Variants in ADGRL3 observed in about 807,000 individuals in gnomAD.
ADGRL3 encodes the protein adhesion G protein-coupled receptor L3.
ADGRL3 carries 62 observed loss-of-function variants against 153.5 expected under a neutral mutation model. That is an observed-to-expected ratio of 0.40 (90% CI 0.33 to 0.50). ADGRL3 has a LOEUF of 0.50. Ranked by LOEUF, ADGRL3 falls within the 20% of genes least tolerant of loss-of-function variation. The pLI, the probability that ADGRL3 is intolerant of heterozygous loss-of-function variation, is 0.47. For synonymous variants in ADGRL3, 710 were observed against 672.5 expected (o/e 1.06, Z -0.86); for missense variants, 1,641 against 1,859.4 (o/e 0.88, Z 2.16).
intron 3 of ADGRL3, among the ~76,000 whole-genome samples, chr4:61,508,748 A>T (rs1414754937): frequency 1.3e-5 from 2 of 151,984 alleles, no homozygotes; most frequent in African/African-American, 2.4e-5. Context: ...CCTAGTTCCC[A>T]GTGTTTATCG....
At chr4:61,559,710 G>A (rs2098785945) in intron 4 of ADGRL3, among the ~76,000 whole-genome samples, 1 of 152,054 alleles carries the variant, frequency 6.6e-6, no homozygotes. Flanking sequence ...AAAAGCATGA[G>A]CGAAATATTT....
At chr4:61,573,559 G>GT (rs1259775159) in intron 4 of ADGRL3, among the ~76,000 whole-genome samples, 4 of 151,660 alleles carry the variant, frequency 2.6e-5, no homozygotes, top group African/African-American at 9.7e-5. Context: ...TGATGTAACA[G>GT]TTTTTTTCTA....
At chr4:61,265,912 A>C (rs1273398991) in intron 1 of ADGRL3, among the ~76,000 whole-genome samples, 1 of 151,876 alleles carries the variant, frequency 6.6e-6, no homozygotes, top group East Asian at 1.9e-4. Flanking sequence ...AACCACATAC[A>C]TCAATATACA....
Position 61,795,527 on chromosome 4 carries a change from C to G in ADGRL3, c.1400-18282C>G, listed in dbSNP as rs1011046887. On this transcript the variant is annotated intron_variant, in intron 8 of 26. Coordinates refer to ENST00000683033, the MANE Select transcript of ADGRL3 (RefSeq NM_001387552.1). ...TGTGATATTGAGCAAATCATTTGAA[C>G]TCATTTCCATTTAACTATGTCTAGA... Among the ~76,000 whole-genome samples the G allele has an allele frequency of 3.9e-5, 6 of 152,274 alleles. No individual in the cohort carries two copies. In the South Asian group the frequency reaches 1.0e-3, roughly 26 times the overall value.
chr4:61,682,894 G>A (rs2095367235), intron 6 of ADGRL3, among the ~76,000 whole-genome samples: 1 of 151,844 alleles, frequency 6.6e-6, no homozygotes, highest in Non-Finnish European at 1.5e-5. Flanking sequence ...AAATATTAGG[G>A]GTCAAAAACC....
chr4:61,932,353 C>A (rs1264230769), intron 13 of ADGRL3, among the ~76,000 whole-genome samples: 4 of 152,010 alleles, frequency 2.6e-5, no homozygotes, highest in Non-Finnish European at 5.9e-5. Context: ...GAAGTAACTT[C>A]CTTCTGTTCC....
chr4:61,389,499 C>A (rs1370103730), intron 2 of ADGRL3, among the ~76,000 whole-genome samples: 1 of 152,038 alleles, frequency 6.6e-6, no homozygotes, highest in Non-Finnish European at 1.5e-5. Flanking sequence ...ATATCCAGAG[C>A]CAGATGTTAA....
intron 2 of ADGRL3, among the ~76,000 whole-genome samples, chr4:61,486,452 G>C (rs1274116251): frequency 6.6e-6 from 1 of 152,066 alleles, no homozygotes; most frequent in Non-Finnish European, 1.5e-5. Flanking sequence ...GTTGCCATAG[G>C]TGTAAGGCTT....
intron 8 of ADGRL3, among the ~76,000 whole-genome samples, chr4:61,810,207 G>A (rs922798296): frequency 7.9e-5 from 12 of 152,084 alleles, no homozygotes; most frequent in South Asian, 2.1e-4. Context: ...CACGTACCTT[G>A]AAAATAATGC....
chr4:61,472,407 GA>G (rs954079271), intron 2 of ADGRL3, among the ~76,000 whole-genome samples: 1 of 152,092 alleles, frequency 6.6e-6, no homozygotes, highest in Non-Finnish European at 1.5e-5. Context: ...AGTCTCATCT[GA>G]AGGCACAATT....
intron 3 of ADGRL3, among the ~76,000 whole-genome samples, chr4:61,511,834 C>T (rs2098464996): frequency 6.6e-6 from 1 of 152,160 alleles, no homozygotes; most frequent in Non-Finnish European, 1.5e-5. Flanking sequence ...GACTTTCATG[C>T]TGCAATTTCT....
intron 1 of ADGRL3, among the ~76,000 whole-genome samples, chr4:61,208,464 A>G (rs1459280452): frequency 6.6e-6 from 1 of 152,134 alleles, no homozygotes; most frequent in East Asian, 1.9e-4. Flanking sequence ...CATCATTATT[A>G]TTGGGTCTCA....
At chr4:61,288,509 A>G (rs1175723631) in intron 1 of ADGRL3, among the ~76,000 whole-genome samples, 1 of 151,980 alleles carries the variant, frequency 6.6e-6, no homozygotes, top group African/African-American at 2.4e-5. Flanking sequence ...ACACTCAAAG[A>G]TAGAATATAG....
intron 1 of ADGRL3, among the ~76,000 whole-genome samples, chr4:61,260,669 G>A (rs1448966852): frequency 1.3e-5 from 2 of 152,178 alleles, no homozygotes; most frequent in Non-Finnish European, 1.5e-5. Context: ...CTTGAATTAA[G>A]AGACTGGTTT....
intron 2 of ADGRL3, among the ~76,000 whole-genome samples, chr4:61,395,745 GATA>G (rs1385101331): frequency 6.6e-6 from 1 of 151,846 alleles, no homozygotes; most frequent in African/African-American, 2.4e-5. Context: ...ACCAGAAAAT[GATA>G]ATATATCAGA....
rs935952349 is a variant in ADGRL3, at chr4:61,461,106, C to T, written c.-173-36015C>T. Reference sequence around the variant, plus strand: ...AAAACAAAACAAAGCCATCACATCTCGTGAGACTTATTCATTACCACGAGA... The same window carrying T: ...AAAACAAAACAAAGCCATCACATCTTGTGAGACTTATTCATTACCACGAGA... On this transcript the variant is annotated intron_variant, in intron 2 of 26. Transcript: ENST00000683033. 4.6e-5 allele frequency among the ~76,000 whole-genome samples: 7 copies of T among 151,962 alleles called. 1 individual carries two copies. In the South Asian group the frequency reaches 6.2e-4, roughly 14 times the overall value.
chr4:61,851,925 GT>G (rs1046002514), intron 9 of ADGRL3, among the ~76,000 whole-genome samples: 2 of 152,130 alleles, frequency 1.3e-5, no homozygotes, highest in African/African-American at 2.4e-5. Flanking sequence ...CACTGGCATA[GT>G]TTTTAGTTTG....
chr4:61,709,725 A>G (rs1326710669), intron 6 of ADGRL3, among the ~76,000 whole-genome samples: 1 of 152,186 alleles, frequency 6.6e-6, no homozygotes, highest in East Asian at 1.9e-4. Flanking sequence ...CATCCAATAC[A>G]ACATTTATTG....
intron 9 of ADGRL3, among the ~76,000 whole-genome samples, chr4:61,892,140 G>T (rs2062196955): frequency 6.7e-6 from 1 of 149,684 alleles, no homozygotes; most frequent in Admixed American, 6.7e-5. Flanking sequence ...ATTCAGGATT[G>T]CTCTTTATTT....
Sources: allele counts gnomAD v4.1 joint callset (sites outside exome capture counted in the v4.1 genomes callset), GRCh38; gene constraint gnomAD v4.1.1; transcripts MANE v1.5; gene names NCBI Gene and HGNC (gene_info 2026-07-23, HGNC 2026-07-21).